RASSF6: variants seen among roughly 807,000 people sequenced by gnomAD.
RASSF6 encodes ras association domain-containing protein 6.
RASSF6 carries 52 observed loss-of-function variants against 44.0 expected under a neutral mutation model. The observed-to-expected ratio is 1.18, with a 90% CI of 0.95 to 1.49. The LOEUF is 1.49. Among genes scored for constraint, RASSF6 ranks in the 40% most tolerant of loss-of-function variants. The pLI is 0.00. For missense variants in RASSF6, 464 were observed against 393.3 expected (o/e 1.18, Z -1.52); for synonymous variants, 162 against 124.6 (o/e 1.30, Z -2.00).
chr4:73,602,220 C>G (rs547372852), intron 2 of RASSF6, among the ~76,000 whole-genome samples: 2 of 152,230 alleles, frequency 1.3e-5, no homozygotes, highest in South Asian at 4.2e-4. Flanking sequence ...CAATGGGCAG[C>G]TATTGAAGAT....
chr4:73,617,667 G>A (rs543355611), intron 1 of RASSF6, among the ~76,000 whole-genome samples: 1 of 152,308 alleles, frequency 6.6e-6, no homozygotes, highest in Admixed American at 6.5e-5. Context: ...ACTTAAATAG[G>A]AGACACTTCA....
At chr4:73,612,499 A>ATTTTTTT (rs1375846104) in intron 1 of RASSF6, among the ~76,000 whole-genome samples, 1 of 728 alleles carries the variant, frequency 1.4e-3, no homozygotes, top group African/African-American at 2.3e-3. Context: ...TTTTTTTAAA[A>ATTTTTTT]AAAAAAACGT....
chr4:73,593,629 G>A (rs752728968), intron 3 of RASSF6, 36 bp from the exon 4 acceptor site: 1 of 1,447,814 alleles, frequency 6.9e-7, no homozygotes, highest in South Asian at 1.2e-5. Flanking sequence ...AATTGTTTTT[G>A]TATTATTTAT....
intron 2 of RASSF6, among the ~76,000 whole-genome samples, chr4:73,606,443 C>T (rs1363891768): frequency 6.6e-6 from 1 of 152,140 alleles, no homozygotes; most frequent in Non-Finnish European, 1.5e-5. Flanking sequence ...GCGGCAAGGG[C>T]TGAAGAGCTA....
At position 73,608,173 on chromosome 4, in the gene RASSF6, T is replaced by A. The variant is rs1292464790; in HGVS notation, c.65+3558A>T. The stretch of plus-strand genomic sequence containing the variant: ...CAGAAATTGAAATAAATTCCATACA[T>A]GTGATATATTTCTGGAGTCTGAACT... On this transcript the variant is annotated intron_variant, in intron 2 of 10. Coordinates refer to ENST00000307439, the MANE Select transcript of RASSF6 (RefSeq NM_177532.5). Among the ~76,000 whole-genome samples, 5 of 151,342 alleles carry A rather than the reference T, an allele frequency of 3.3e-5. No individual in the cohort carries two copies. The South Asian group carries it at 1.1e-3, about 32-fold the overall frequency.
In RASSF6 at chr4:73,572,308, C is replaced by T. The variant is rs1722962415; in HGVS notation, c.*3927G>A. 6.6e-6 allele frequency: 1 copy of T among 152,174 alleles called. No individual in the cohort carries two copies. Among genetic ancestry groups the T allele is most frequent in the Non-Finnish European group, 1.5e-5 (1 of 68,018 alleles). 9.4% of individuals were successfully genotyped at this position (152,174 alleles called of 1,614,324 possible). A position where few individuals can be genotyped will look rare whatever the true frequency, so the allele number is the denominator to read the frequency against. ...CCAAGAGAGAGCAAGGAGGAAGCCA[C>T]AGTGACTTTTATGACCTACTTCAAA... On this transcript the variant is annotated 3_prime_UTR_variant, in exon 11 of 11. Coordinates refer to ENST00000307439, the MANE Select transcript of RASSF6 (RefSeq NM_177532.5).
chr4:73,612,221 A>C (rs1303150061), intron 1 of RASSF6, among the ~76,000 whole-genome samples: 2 of 152,148 alleles, frequency 1.3e-5, no homozygotes, highest in Non-Finnish European at 2.9e-5. Context: ...TCAAGCTCTG[A>C]CTTGAAGAGT....
In RASSF6 at chr4:73,574,459, A is replaced by G. The variant is rs996313886; in HGVS notation, c.*1776T>C. 3 of 152,266 alleles carry G rather than the reference A, an allele frequency of 2.0e-5. No individual in the cohort carries two copies. Among genetic ancestry groups the G allele is most frequent in the African/African-American group, 7.2e-5 (3 of 41,446 alleles). The allele number at this position is 152,266 out of a possible 1,614,324, so 9.4% of individuals were successfully genotyped here. A position where few individuals can be genotyped will look rare whatever the true frequency, so the allele number is the denominator to read the frequency against. On this transcript the variant is annotated 3_prime_UTR_variant, in exon 11 of 11. Transcript: ENST00000307439. ...GGTCCTGCTCTGGCCTGGGCAAGCC[A>G]GCAAACTTCTCTCCAGTGGGCTGCA...
At position 73,587,970 on chromosome 4, in the gene RASSF6, C is replaced by T. The variant is rs181882125; in HGVS notation, c.288-36G>A. On this transcript the variant is annotated intron_variant, in intron 4 of 10. Transcript: ENST00000307439. ...ATAAATCTTGTAAGTACATCAGTTCCATTTATATTGAAGCCTATGATGGTT... is the reference window on the plus strand; with the variant it reads ...ATAAATCTTGTAAGTACATCAGTTCTATTTATATTGAAGCCTATGATGGTT... 7.3e-6 allele frequency: 10 copies of T among 1,370,508 alleles called. No homozygotes were observed. In the African/African-American group the frequency reaches 1.1e-4, roughly 16 times the overall value. 84.9% of individuals were successfully genotyped at this position (1,370,508 alleles called of 1,614,324 possible). A position where few individuals can be genotyped will look rare whatever the true frequency, so the allele number is the denominator to read the frequency against.
chr4:73,594,852 T>C (rs190306062), intron 3 of RASSF6, among the ~76,000 whole-genome samples: 30 of 152,302 alleles, frequency 2.0e-4, no homozygotes, highest in African/African-American at 7.2e-4. Flanking sequence ...CAAAAACTTA[T>C]AGAATCTCTG....
intron 3 of RASSF6, among the ~76,000 whole-genome samples, chr4:73,594,435 C>G (rs1247644): frequency 0.98 from 149,387 of 152,316 alleles, 73,320 homozygotes; most frequent in Middle Eastern, 1. Flanking sequence ...ACTCCAGACT[C>G]TGGAATCAGA....
rs191342976 is a variant in RASSF6 at position 73,574,739 on chromosome 4, C to G, written c.*1496G>C. On this transcript the variant is annotated 3_prime_UTR_variant, in exon 11 of 11. Coordinates refer to ENST00000307439, the MANE Select transcript of RASSF6 (RefSeq NM_177532.5). ...TATACTTAGTGGCCATTTGCATTCTCTCTTCTGTGATTTTTCTTTTCATAT... is the reference window on the plus strand; with the variant it reads ...TATACTTAGTGGCCATTTGCATTCTGTCTTCTGTGATTTTTCTTTTCATAT... 8.5e-5 allele frequency: 13 copies of G among 152,152 alleles called. No individual in the cohort carries two copies. Among genetic ancestry groups the G allele is most frequent in the African/African-American group, 3.1e-4 (13 of 41,502 alleles). 9.4% of individuals were successfully genotyped at this position (152,152 alleles called of 1,614,324 possible). A position where few individuals can be genotyped will look rare whatever the true frequency, so the allele number is the denominator to read the frequency against.
At position 73,572,556 on chromosome 4, in the gene RASSF6, G is replaced by GT. The variant is rs1560432031; in HGVS notation, c.*3678dup. 1.3e-5 allele frequency: 2 copies of GT among 151,910 alleles called. No individual in the cohort carries two copies. The highest frequency in any genetic ancestry group is 2.4e-5 in the African/African-American group (1 of 41,340). 9.4% of individuals were successfully genotyped at this position (151,910 alleles called of 1,614,324 possible). On this transcript the variant is annotated 3_prime_UTR_variant, in exon 11 of 11. Coordinates refer to ENST00000307439, the MANE Select transcript of RASSF6 (RefSeq NM_177532.5). ...TCAATTAAAAATAAAATAAAAAGAC[G>GT]TAAGTCACTAAGTCCAGCCCATTTT... is the stretch of plus-strand genomic sequence containing the variant.
At chr4:73,603,542 G>T (rs1162822201) in intron 2 of RASSF6, among the ~76,000 whole-genome samples, 3 of 152,120 alleles carry the variant, frequency 2.0e-5, no homozygotes, top group African/African-American at 7.2e-5. Flanking sequence ...CTCCAGCTTG[G>T]TTTTAATGAG....
chr4:73,588,684 TAA>T, intron 4 of RASSF6, among the ~76,000 whole-genome samples: 1 of 152,100 alleles, frequency 6.6e-6, no homozygotes, highest in East Asian at 1.9e-4. Flanking sequence ...TTTTGAGGAT[TAA>T]AAGAGTTAAT....
At chr4:73,587,606 ATTTT>A (rs1156248148) in intron 5 of RASSF6, among the ~76,000 whole-genome samples, 1 of 151,916 alleles carries the variant, frequency 6.6e-6, no homozygotes, top group African/African-American at 2.4e-5. Flanking sequence ...ACATAATATA[ATTTT>A]TTTAAGAATT....
intron 2 of RASSF6, among the ~76,000 whole-genome samples, chr4:73,605,334 C>T (rs748126612): frequency 4.7e-4 from 71 of 152,316 alleles, no homozygotes; most frequent in Non-Finnish European, 8.8e-4. Flanking sequence ...GCCTTGTCAT[C>T]AAGCTATTTG....
rs1042573794 is a variant in RASSF6 at position 73,573,393 on chromosome 4, G to T, written c.*2842C>A. 5.3e-5 allele frequency: 8 copies of T among 152,274 alleles called. No homozygotes were observed. The highest frequency in any genetic ancestry group is 1.7e-4 in the African/African-American group (7 of 41,544). The allele number at this position is 152,274 out of a possible 1,614,324, so 9.4% of individuals were successfully genotyped here. A position where few individuals can be genotyped will look rare whatever the true frequency, so the allele number is the denominator to read the frequency against. On this transcript the variant is annotated 3_prime_UTR_variant, in exon 11 of 11. Coordinates refer to ENST00000307439, the MANE Select transcript of RASSF6 (RefSeq NM_177532.5). ...TCCACCTACCTTGGCCTCCTAAAGT[G>T]CTGGGATTACAGGCGTGAGCCACCG...
At chr4:73,606,952 G>A (rs1725684054) in intron 2 of RASSF6, among the ~76,000 whole-genome samples, 1 of 152,092 alleles carries the variant, frequency 6.6e-6, no homozygotes, top group Non-Finnish European at 1.5e-5. Context: ...GATTCCCAGG[G>A]CCATCAACCT....
Sources: allele counts gnomAD v4.1 joint callset (sites outside exome capture counted in the v4.1 genomes callset), GRCh38; gene constraint gnomAD v4.1.1; transcripts MANE v1.5; gene names NCBI Gene and HGNC (gene_info 2026-07-23, HGNC 2026-07-21).